JAKMIP1: variants seen among roughly 807,000 people sequenced by gnomAD.
The protein encoded by JAKMIP1 is janus kinase and microtubule interacting protein 1.
JAKMIP1 carries 33 observed loss-of-function variants against 113.0 expected under a neutral mutation model. The ratio of observed to expected loss-of-function variants is 0.29; its 90% confidence interval spans 0.22 to 0.39. JAKMIP1 has a LOEUF of 0.39. Among genes scored for constraint, JAKMIP1 ranks in the 10% least tolerant of loss-of-function variants. The probability of loss-of-function intolerance (pLI) is 1.00; values close to 1 mark genes in which losing one functional copy is unlikely to be tolerated. For synonymous variants in JAKMIP1, 480 were observed against 459.9 expected, an observed-to-expected ratio of 1.04 and a Z score of -0.56; for missense variants, 813 against 1,080.5, an observed-to-expected ratio of 0.75 and a Z score of 3.47.
At chr4:6,030,672 A>G (rs1390850815) in intron 19 of JAKMIP1, among the ~76,000 whole-genome samples, 1 of 152,158 alleles carries the variant, frequency 6.6e-6, no homozygotes, top group Non-Finnish European at 1.5e-5. Flanking sequence ...GACCTCATAC[A>G]ATGAGACAAT....
intron 1 of JAKMIP1, among the ~76,000 whole-genome samples, chr4:6,119,184 C>T (rs967418892): frequency 7.9e-5 from 12 of 152,196 alleles, no homozygotes; most frequent in Non-Finnish European, 1.6e-4. Flanking sequence ...TTTCTGTTTA[C>T]CACCCAGTTT....
At chr4:6,195,132 G>A (rs1181256952) in intron 1 of JAKMIP1, among the ~76,000 whole-genome samples, 1 of 152,248 alleles carries the variant, frequency 6.6e-6, no homozygotes, top group Non-Finnish European at 1.5e-5. Flanking sequence ...GGGGGCTGCA[G>A]ACAATGGGAC....
intron 10 of JAKMIP1, among the ~76,000 whole-genome samples, 155 bp downstream of exon 10, chr4:6,062,157 G>A (rs559333577): frequency 6.6e-6 from 1 of 152,270 alleles, no homozygotes; most frequent in Non-Finnish European, 1.5e-5. Flanking sequence ...GAGGGATCTA[G>A]AATGTCACCA....
chr4:6,133,637 G>C (rs1306651591), intron 1 of JAKMIP1, among the ~76,000 whole-genome samples: 2 of 152,196 alleles, frequency 1.3e-5, no homozygotes, highest in East Asian at 1.9e-4. Flanking sequence ...GTTTTACCAA[G>C]TTTCTTGCAA....
intron 19 of JAKMIP1, among the ~76,000 whole-genome samples, chr4:6,033,248 TAATGTCCACAGC>T (rs1362246937): frequency 2.0e-5 from 3 of 152,268 alleles, no homozygotes; most frequent in African/African-American, 7.2e-5. Flanking sequence ...AATACAATGG[TAATGTCCACAGC>T]AAACTGGGAG....
Position 6,179,130 on chromosome 4 carries a change from TG to T in JAKMIP1, c.-148+21122del, listed in dbSNP as rs1198793416. 2.0e-5 allele frequency among the ~76,000 whole-genome samples: 3 copies of T among 152,190 alleles called. No individual in the cohort carries two copies. The highest frequency in any genetic ancestry group is 4.4e-5 in the Non-Finnish European group (3 of 68,036). On this transcript the variant is annotated intron_variant, in intron 1 of 20. Transcript: ENST00000409021. The surrounding 1 kb of genome is among the most constrained non-coding windows in gnomAD (Gnocchi z 4.5). ...ACCTTTGTTGCTCTTTTTCATGAAA[TG>T]GTCTTAGAAGGACCCACAGGCACAC...
rs1011062544 is a variant in JAKMIP1, at chr4:6,086,131, C to A, written c.625-502G>T. Among the ~76,000 whole-genome samples the A allele has an allele frequency of 1.4e-4, 22 of 152,162 alleles. No homozygotes were observed. Among genetic ancestry groups the A allele is most frequent in the Admixed American group, 1.4e-3 (22 of 15,280 alleles). On this transcript the variant is annotated intron_variant, in intron 3 of 20. Transcript: ENST00000409021. This position sits in a 1 kb window ranked among gnomAD's most constrained non-coding sequence, Gnocchi z 4.1. ...ACCGAACCCACCGGACAACGTTGTC[C>A]TCCCGCCCTGACTCCGTCACCCACT...
intron 2 of JAKMIP1, among the ~76,000 whole-genome samples, chr4:6,107,164 C>T (rs1231087642): frequency 6.6e-6 from 1 of 152,134 alleles, no homozygotes; most frequent in Admixed American, 6.5e-5. Flanking sequence ...GCATCTTTTC[C>T]TAGTGGATTT....
chr4:6,152,678 A>C (rs1721717683), intron 1 of JAKMIP1, among the ~76,000 whole-genome samples: 1 of 151,998 alleles, frequency 6.6e-6, no homozygotes, highest in Non-Finnish European at 1.5e-5. Flanking sequence ...GTGGTGCCTC[A>C]TGCCTGTAAT....
rs758320228 is a variant in JAKMIP1 at position 6,029,769 on chromosome 4, G to A, written c.2392C>T (p.Leu798=). Residue 798 remains leucine (L), a synonymous_variant, in exon 20 of 21, where the codon CTG becomes TTG. Coordinates refer to ENST00000409021, the MANE Select transcript of JAKMIP1 (RefSeq NM_001099433.2). ...TTCTGAAACTCCAGTTTGTCCTCCA[G>A]TTCTCGGATTCTCTGAAATACACCA... ...LQQAQQRIRE[L]EDKLEFQKRH... is the part of the protein sequence containing the mutation. 11 of 1,603,664 alleles carry A rather than the reference G, an allele frequency of 6.9e-6. No individual in the cohort carries two copies. In the African/African-American group the frequency reaches 1.5e-4, roughly 21 times the overall value.
At position 6,170,443 on chromosome 4, in the gene JAKMIP1, C is replaced by T. The variant is rs555121107; in HGVS notation, c.-148+29810G>A. On this transcript the variant is annotated intron_variant, in intron 1 of 20. Coordinates refer to ENST00000409021, the MANE Select transcript of JAKMIP1 (RefSeq NM_001099433.2). ...CGACCATCACCATAGTCACCACCAC[C>T]TCCATCACCATCACCACCACCACCA... Among the ~76,000 whole-genome samples, 453 of 150,938 alleles carry T rather than the reference C, an allele frequency of 3.0e-3. 10 individuals are homozygous for T. The highest frequency in any genetic ancestry group is 0.011 in the African/African-American group (439 of 40,704).
At chr4:6,147,337 C>T (rs1391876187) in intron 1 of JAKMIP1, among the ~76,000 whole-genome samples, 3 of 152,136 alleles carry the variant, frequency 2.0e-5, no homozygotes, top group Non-Finnish European at 4.4e-5. Context: ...TAAAGGCACA[C>T]ATCAGTAAGT....
intron 11 of JAKMIP1, among the ~76,000 whole-genome samples, chr4:6,058,127 C>T (rs1266098519): frequency 6.6e-6 from 1 of 152,218 alleles, no homozygotes; most frequent in African/African-American, 2.4e-5. Context: ...ACAGGCTCAG[C>T]CTCAGACAGG....
rs1721302680 is a variant in JAKMIP1, at chr4:6,086,313, T to TCCCCGAC, written c.625-691_625-685dup. Among the ~76,000 whole-genome samples, 1 of 151,988 alleles carries TCCCCGAC rather than the reference T, an allele frequency of 6.6e-6. No homozygotes were observed. The highest frequency in any genetic ancestry group is 2.4e-5 in the African/African-American group (1 of 41,368). ...TATCCTCTCCCAGGCAGCCAGGTCC[T>TCCCCGAC]CCCCGACGGTATCAACCCCACATAT... is the stretch of plus-strand genomic sequence containing the variant. On this transcript the variant is annotated intron_variant, in intron 3 of 20. Coordinates refer to ENST00000409021, the MANE Select transcript of JAKMIP1 (RefSeq NM_001099433.2). This position sits in a 1 kb window ranked among gnomAD's most constrained non-coding sequence, Gnocchi z 4.1.
chr4:6,035,814 G>T, intron 19 of JAKMIP1, 90 bp downstream of exon 19: 1 of 1,110,720 alleles, frequency 9.0e-7, no homozygotes, highest in South Asian at 1.6e-5. Flanking sequence ...AATGAGCCTG[G>T]GGCACTCAGA....
intron 1 of JAKMIP1, among the ~76,000 whole-genome samples, chr4:6,196,872 A>C (rs981651137): frequency 5.9e-4 from 89 of 152,126 alleles, no homozygotes; most frequent in Non-Finnish European, 1.8e-4. Context: ...AAAAAAAAAA[A>C]AAACAAAAGC....
intron 2 of JAKMIP1, among the ~76,000 whole-genome samples, chr4:6,109,426 G>A (rs1285827171): frequency 6.6e-6 from 1 of 151,940 alleles, no homozygotes; most frequent in African/African-American, 2.4e-5. Flanking sequence ...AGCCACTGCG[G>A]AGCCTGGGGC....
Position 6,060,411 on chromosome 4 carries a change from C to T in JAKMIP1, c.1644+13G>A. ...AGGCTAAGATTCACAGAGCACAGAT[C>T]ACTCCTGCTCACCTGTCCCTTCTCA... On this transcript the variant is annotated intron_variant, in intron 11 of 20. Transcript: ENST00000409021. The T allele has an allele frequency of 1.3e-6, 2 of 1,596,808 alleles. No homozygotes were observed. The highest frequency in any genetic ancestry group is 1.7e-6 in the Non-Finnish European group (2 of 1,164,142).
At chr4:6,126,596 AACACACACACCATGCAGAAAC>A (rs1377608374) in intron 1 of JAKMIP1, among the ~76,000 whole-genome samples, 9 of 134,220 alleles carry the variant, frequency 6.7e-5, no homozygotes, top group African/African-American at 1.7e-4. Context: ...ACCATGCAGA[AACACACACACCATGCAGAAAC>A]ACACACACAC....
Sources: gnomAD v4.1 joint callset for allele counts (sites outside exome capture counted in the v4.1 genomes callset) on GRCh38, gnomAD v4.1.1 for gene constraint, Gnocchi (gnomAD v3.1) non-coding constraint, MANE v1.5 for transcripts, NCBI Gene and HGNC (gene_info 2026-07-23, HGNC 2026-07-21) for gene names.